The following CD200 variants were observed in gnomAD, a reference collection of about 807,000 sequenced individuals.
The protein encoded by CD200 is OX-2 membrane glycoprotein.
CD200 carries 15 observed loss-of-function variants against 30.9 expected under a neutral mutation model. That is an observed-to-expected ratio of 0.49 (90% CI 0.32 to 0.75). The LOEUF (loss-of-function observed/expected upper bound fraction) is 0.75, where lower values mean the gene tolerates loss of function less well. CD200 is among the 30% of genes least tolerant of loss of function. The probability of loss-of-function intolerance (pLI) is 0.03; values close to 1 mark genes in which losing one functional copy is unlikely to be tolerated. For synonymous variants in CD200, 134 were observed against 126.2 expected (o/e 1.06, Z -0.41); for missense variants, 262 against 324.2 (o/e 0.81, Z 1.47).
chr3:112,358,256 G>A (rs982843721), intron 5 of CD200, among the ~76,000 whole-genome samples: 1 of 152,186 alleles, frequency 6.6e-6, no homozygotes, highest in Non-Finnish European at 1.5e-5. Context: ...TCCTGGATGG[G>A]AATCTGTTGT....
chr3:112,356,981 GC>G (rs1213571881), intron 5 of CD200, among the ~76,000 whole-genome samples: 1 of 152,202 alleles, frequency 6.6e-6, no homozygotes, highest in Non-Finnish European at 1.5e-5. Flanking sequence ...GTGCCTAATG[GC>G]CGGGCGCGGT....
rs376996264 is a variant in CD200 at position 112,342,614 on chromosome 3, G to C, written c.94+1631G>C. Among the ~76,000 whole-genome samples, 18 of 151,742 alleles carry C rather than the reference G, an allele frequency of 1.2e-4. No homozygotes were observed. The East Asian group carries it at 1.9e-3, about 16-fold the overall frequency. On this transcript the variant is annotated intron_variant, in intron 2 of 5. Transcript: ENST00000315711. ...ATTTTTGTATTTTTAGTAGAAACAG[G>C]GTTTCACTTTGTTGGCCAGGTTGGT...
Position 112,347,691 on chromosome 3 carries a change from T to C in CD200, c.555T>C (p.Thr185=), listed in dbSNP as rs749680561. The C allele has an allele frequency of 3.7e-6, 6 of 1,613,946 alleles. No homozygotes were observed. The African/African-American group carries it at 6.7e-5, about 18-fold the overall frequency. ...CAGGGATTGAAAATAGTACAGTGACTCTGTCTCACCCAAATGGGACCACGT... is the reference window on the plus strand; with the variant it reads ...CAGGGATTGAAAATAGTACAGTGACCCTGTCTCACCCAAATGGGACCACGT... The part of the protein sequence containing the change: ...PRSGIENSTV[T]LSHPNGTTSV... Residue 185 remains threonine (T), a synonymous_variant, in exon 4 of 6, where the codon ACT becomes ACC. Coordinates refer to ENST00000315711, the MANE Select transcript of CD200 (RefSeq NM_005944.7).
intron 1 of CD200, among the ~76,000 whole-genome samples, chr3:112,338,193 A>G (rs900896181): frequency 2.0e-5 from 3 of 152,170 alleles, no homozygotes; most frequent in Admixed American, 6.5e-5. Context: ...GACACTTCAC[A>G]TGGGTACCAA....
intron 3 of CD200, among the ~76,000 whole-genome samples, chr3:112,346,624 G>A (rs2081401252): frequency 6.6e-6 from 1 of 152,016 alleles, no homozygotes; most frequent in Non-Finnish European, 1.5e-5. Flanking sequence ...AGTAATCTTA[G>A]CCAGAGCCAC....
intron 1 of CD200, among the ~76,000 whole-genome samples, chr3:112,335,261 G>A (rs2081086410): frequency 6.6e-6 from 1 of 152,194 alleles, no homozygotes; most frequent in African/African-American, 2.4e-5. Flanking sequence ...GGATGGGCAG[G>A]GTGAGCAGAT....
intron 5 of CD200, among the ~76,000 whole-genome samples, chr3:112,357,703 A>T (rs1458484523): frequency 6.6e-6 from 1 of 152,126 alleles, no homozygotes; most frequent in East Asian, 1.9e-4. Context: ...TGGAAGGGAG[A>T]AGAACTCATA....
chr3:112,360,199 G>A (rs1455987710), intron 5 of CD200, among the ~76,000 whole-genome samples: 1 of 152,030 alleles, frequency 6.6e-6, no homozygotes, highest in Non-Finnish European at 1.5e-5. Context: ...ATAGTGGCAT[G>A]TGCCTGTACT....
At chr3:112,338,850 G>A (rs1357956252) in intron 1 of CD200, among the ~76,000 whole-genome samples, 1 of 152,120 alleles carries the variant, frequency 6.6e-6, no homozygotes, top group Non-Finnish European at 1.5e-5. Flanking sequence ...CATAGGGGAG[G>A]CAAGATAGTG....
chr3:112,339,441 T>C (rs1179898523), intron 1 of CD200, among the ~76,000 whole-genome samples: 2 of 152,172 alleles, frequency 1.3e-5, no homozygotes, highest in Non-Finnish European at 2.9e-5. Context: ...AAATATTTTG[T>C]AGGCTGGGAG....
At chr3:112,343,470 A>G (rs1388084576) in intron 2 of CD200, among the ~76,000 whole-genome samples, 3 of 151,980 alleles carry the variant, frequency 2.0e-5, no homozygotes, top group African/African-American at 7.3e-5. Context: ...CGGCTGGCTA[A>G]TTTTTACATT....
rs544112404 is a variant in CD200, at chr3:112,357,373, C to G, written c.803-4170C>G. On this transcript the variant is annotated intron_variant, in intron 5 of 5. Coordinates refer to ENST00000315711, the MANE Select transcript of CD200 (RefSeq NM_005944.7). ...GGGCGGAGTGTTTATTTGTAGCTGT[C>G]GCCAACTTCCGTGAAGTAAATGTTC... 3.9e-5 allele frequency among the ~76,000 whole-genome samples: 6 copies of G among 152,140 alleles called. No individual in the cohort carries two copies. In the East Asian group the frequency reaches 9.6e-4, roughly 24 times the overall value.
At position 112,345,022 on chromosome 3, in the gene CD200, C is replaced by T. The variant is rs2081352718; in HGVS notation, c.155C>T (p.Ser52Phe). 6.2e-7 allele frequency: 1 copy of T among 1,613,954 alleles called. No homozygotes were observed. The highest frequency in any genetic ancestry group is 1.1e-5 in the South Asian group (1 of 91,086). ...QLYTPASLKC[S>F]LQNAQEALIV... ...TACACACCTGCTTCCTTAAAATGCTCTCTGCAAAATGCCCAGGAAGCCCTC... is the reference window on the plus strand; with the variant it reads ...TACACACCTGCTTCCTTAAAATGCTTTCTGCAAAATGCCCAGGAAGCCCTC... The change falls in exon 3 of 6, where the codon TCT becomes TTT. Residue 52 changes from serine to phenylalanine, a missense_variant. Physicochemically the swap from Ser to Phe is radical, Grantham distance 155. Coordinates refer to ENST00000315711, the MANE Select transcript of CD200 (RefSeq NM_005944.7).
intron 2 of CD200, among the ~76,000 whole-genome samples, chr3:112,343,667 G>A (rs1342266980): frequency 6.6e-6 from 1 of 151,768 alleles, no homozygotes; most frequent in Non-Finnish European, 1.5e-5. Context: ...TTAAATTGAA[G>A]GTTCTCGGTA....
At chr3:112,358,727 A>G (rs2081677418) in intron 5 of CD200, among the ~76,000 whole-genome samples, 1 of 152,212 alleles carries the variant, frequency 6.6e-6, no homozygotes, top group Non-Finnish European at 1.5e-5. Flanking sequence ...GCACTGATTC[A>G]TGAGTTTTGC....
At chr3:112,342,313 CTTT>C (rs758437443) in intron 2 of CD200, among the ~76,000 whole-genome samples, 30,491 of 52,412 alleles carry the variant, frequency 0.58, 10,352 homozygotes, top group Middle Eastern at 0.71. Flanking sequence ...TTCCTTTCTT[CTTT>C]CTTTCTTTCT....
At chr3:112,361,292 C>T (rs113982928) in intron 5 of CD200, among the ~76,000 whole-genome samples, 10 of 152,046 alleles carry the variant, frequency 6.6e-5, no homozygotes, top group South Asian at 2.1e-4. Flanking sequence ...ATGATCCTCC[C>T]GCCTCGGCCT....
chr3:112,345,192 T>C lies in CD200; in HGVS notation c.325T>C (p.Trp109Arg), dbSNP rs1358550898. The C allele has an allele frequency of 6.2e-7, 1 of 1,614,108 alleles. No homozygotes were observed. Among genetic ancestry groups the C allele is most frequent in the Non-Finnish European group, 8.5e-7 (1 of 1,179,948 alleles). Residue 109 changes from tryptophan (W) to arginine (R), a missense_variant, in exon 3 of 6, where the codon TGG (tryptophan) becomes CGG (arginine). Transcript: ENST00000315711. ...ACTCCAAAACTCAACCATCACCTTC[T>C]GGAATATCACCCTGGAGGATGAAGG... ...LGLQNSTITF[W>R]NITLEDEGCY... is the part of the protein sequence containing the mutation.
At chr3:112,337,882 A>G (rs1348009185) in intron 1 of CD200, among the ~76,000 whole-genome samples, 1 of 152,228 alleles carries the variant, frequency 6.6e-6, no homozygotes, top group African/African-American at 2.4e-5. Context: ...TAACCTATGC[A>G]TATCCTCCCA....
Sources: gnomAD v4.1 joint callset for allele counts (sites outside exome capture counted in the v4.1 genomes callset) on GRCh38, gnomAD v4.1.1 for gene constraint, MANE v1.5 for transcripts, NCBI Gene and HGNC (gene_info 2026-07-23, HGNC 2026-07-21) for gene names.